The following HERC1 variants were observed in gnomAD, a reference collection of about 807,000 sequenced individuals.
The protein encoded by HERC1 is HECT and RLD domain containing E3 ubiquitin protein ligase family member 1.
A neutral mutation model predicts 554.3 loss-of-function variants in HERC1; 160 were observed. The observed-to-expected ratio is 0.29, with a 90% CI of 0.25 to 0.33. The LOEUF is 0.33. Ranked by LOEUF, HERC1 falls within the 10% of genes least tolerant of loss-of-function variation. The pLI is 1.00. For missense variants in HERC1, 4,919 were observed against 5,918.5 expected, an observed-to-expected ratio of 0.83 and a Z score of 5.54; for synonymous variants, 2,175 against 2,131.7, an observed-to-expected ratio of 1.02 and a Z score of -0.56.
At chr15:63,669,495 G>C in intron 40 of HERC1, 43 bp downstream of exon 40, 1 of 1,589,620 alleles carries the variant, frequency 6.3e-7, no homozygotes, top group African/African-American at 1.3e-5. Flanking sequence ...CACACATCTG[G>C]AATGCCAACT....
chr15:63,762,915 C>T (rs2075657733), intron 3 of HERC1, among the ~76,000 whole-genome samples: 1 of 152,212 alleles, frequency 6.6e-6, no homozygotes, highest in Non-Finnish European at 1.5e-5. Context: ...TCTAGCTCTC[C>T]TAGGCTCCTA....
At position 63,655,908 on chromosome 15, in the gene HERC1, G is replaced by A. The variant is rs1031063228; in HGVS notation, c.9918C>T (p.Asp3306=). The A allele has an allele frequency of 9.3e-6, 15 of 1,612,908 alleles. No individual in the cohort carries two copies. The African/African-American group carries it at 1.7e-4, about 19-fold the overall frequency. The change falls in exon 50 of 78, where the codon GAC becomes GAT. Residue 3306 remains aspartate, a synonymous_variant. Transcript: ENST00000443617. ...TGGGTAGAAACTTTCGCTGAATTGAGTCATCAACTGTGGTTAGATTTACAC... is the reference window on the plus strand; with the variant it reads ...TGGGTAGAAACTTTCGCTGAATTGAATCATCAACTGTGGTTAGATTTACAC... The part of the protein sequence containing the change: ...ATGVNLTTVD[D]SIQRKFLPSF...
intron 2 of HERC1, among the ~76,000 whole-genome samples, chr15:63,767,808 C>A (rs2075830129): frequency 6.6e-6 from 1 of 152,182 alleles, no homozygotes; most frequent in African/African-American, 2.4e-5. Context: ...ACTTTTTTGT[C>A]ATCTAACAAG....
chr15:63,674,354 T>C lies in HERC1; in HGVS notation c.7834A>G (p.Lys2612Glu). ...TCAGATAACATACCTTGCTTAATTT[T>C]GCCCCCAAACTGGTCTTCCAAAAGC... ...HGLLEDQFGG[K>E]IKQEIDQQAE... The change falls in exon 38 of 78, where the codon AAA (lysine) becomes GAA (glutamate). Residue 2612 changes from lysine (K) to glutamate (E), a missense_variant. Lys to Glu is a moderately conservative substitution (Grantham distance 56, BLOSUM62 1). Transcript: ENST00000443617. 1.3e-6 allele frequency: 2 copies of C among 1,598,192 alleles called. No homozygotes were observed. The highest frequency in any genetic ancestry group is 1.7e-6 in the Non-Finnish European group (2 of 1,172,170).
At chr15:63,736,678 G>A (rs1402017827) in intron 12 of HERC1, among the ~76,000 whole-genome samples, 6 of 151,564 alleles carry the variant, frequency 4.0e-5, no homozygotes, top group African/African-American at 1.2e-4. Flanking sequence ...GCACAATCTC[G>A]GCTCACGGCA....
intron 1 of HERC1, among the ~76,000 whole-genome samples, chr15:63,829,446 G>C (rs1459603734): frequency 7.7e-6 from 1 of 130,446 alleles, no homozygotes; most frequent in Admixed American, 8.0e-5. Flanking sequence ...ACGTCAGTAT[G>C]TGTGTGTGTG....
At chr15:63,663,439 T>C (rs567299107) in intron 43 of HERC1, among the ~76,000 whole-genome samples, 14 of 152,284 alleles carry the variant, frequency 9.2e-5, no homozygotes, top group African/African-American at 1.7e-4. Flanking sequence ...AGAGAATCCA[T>C]GCGATGCTTT....
intron 57 of HERC1, 129 bp from the exon 58 acceptor site, chr15:63,643,679 TAAAGG>T (rs2069179887): frequency 1.7e-6 from 1 of 581,978 alleles, no homozygotes; most frequent in Non-Finnish European, 2.9e-6. Context: ...ATTTCTCTCA[TAAAGG>T]ATAGTAAGCT....
At chr15:63,811,088 T>C (rs1228481744) in intron 1 of HERC1, among the ~76,000 whole-genome samples, 2 of 152,072 alleles carry the variant, frequency 1.3e-5, no homozygotes, top group African/African-American at 2.4e-5. Flanking sequence ...AAGCAATATA[T>C]GAATGTGATT....
intron 1 of HERC1, among the ~76,000 whole-genome samples, chr15:63,802,041 T>C (rs1201012635): frequency 6.6e-6 from 1 of 152,170 alleles, no homozygotes; most frequent in Non-Finnish European, 1.5e-5. Context: ...TAGAGAATCA[T>C]AAGAGAAAGT....
chr15:63,633,728 A>C, intron 67 of HERC1, 120 bp downstream of exon 67: 2 of 1,068,352 alleles, frequency 1.9e-6, no homozygotes, highest in South Asian at 3.6e-5. Flanking sequence ...AGAAGCTTCT[A>C]AACTTCATTA....
chr15:63,812,695 G>A (rs2077368823), intron 1 of HERC1, among the ~76,000 whole-genome samples: 1 of 152,034 alleles, frequency 6.6e-6, no homozygotes, highest in African/African-American at 2.4e-5. Flanking sequence ...ATTAAAAAAG[G>A]TTTTTAAACA....
chr15:63,643,754 T>A (rs1003532170), intron 57 of HERC1, among the ~76,000 whole-genome samples: 1 of 152,220 alleles, frequency 6.6e-6, no homozygotes, highest in African/African-American at 2.4e-5. Flanking sequence ...TCATCTTTTT[T>A]AAAAAATATA....
Position 63,727,901 on chromosome 15 carries a change from C to T in HERC1, c.3155-63G>A. 7.5e-7 allele frequency: 1 copy of T among 1,328,278 alleles called. No individual in the cohort carries two copies. The highest frequency in any genetic ancestry group is 2.3e-5 in the East Asian group (1 of 43,202). 82.3% of individuals were successfully genotyped at this position (1,328,278 alleles called of 1,614,324 possible). ...TCAAATGAACTTTAAAAAAAGGAAC[C>T]TAATAAATATTATTTTAGCTTGGAA... On this transcript the variant is annotated intron_variant, in intron 16 of 77. Coordinates refer to ENST00000443617, the MANE Select transcript of HERC1 (RefSeq NM_003922.4). This position sits in a 1 kb window ranked among gnomAD's most constrained non-coding sequence, Gnocchi z 4.3.
intron 37 of HERC1, among the ~76,000 whole-genome samples, chr15:63,675,512 G>A (rs2071152421): frequency 6.6e-6 from 1 of 152,166 alleles, no homozygotes; most frequent in Non-Finnish European, 1.5e-5. Context: ...GGGTGTGGCT[G>A]TGTACCTTTA....
intron 24 of HERC1, among the ~76,000 whole-genome samples, chr15:63,712,543 T>C (rs1383254303): frequency 6.6e-6 from 1 of 152,176 alleles, no homozygotes; most frequent in Non-Finnish European, 1.5e-5. Context: ...GGAATGTCCA[T>C]CAAAGAGTCA....
chr15:63,786,890 G>A (rs1011449541), intron 1 of HERC1, among the ~76,000 whole-genome samples: 4 of 150,926 alleles, frequency 2.7e-5, no homozygotes, highest in African/African-American at 4.9e-5. Context: ...TTAATTGTAC[G>A]TGATGTGAAC....
intron 1 of HERC1, among the ~76,000 whole-genome samples, chr15:63,823,405 G>A (rs7176963): frequency 0.031 from 4,694 of 152,208 alleles, 231 homozygotes; most frequent in African/African-American, 0.11. Flanking sequence ...GCCCTATGAC[G>A]TAGCAACTAT....
In HERC1 at chr15:63,729,533, C is replaced by A; in HGVS notation, c.2985G>T (p.Gln995His). The change falls in exon 15 of 78, where the codon CAG (glutamine) becomes CAT (histidine). Residue 995 changes from glutamine to histidine, a missense_variant. Gln to His is a conservative substitution (Grantham distance 24, BLOSUM62 0). Coordinates refer to ENST00000443617, the MANE Select transcript of HERC1 (RefSeq NM_003922.4). ...TATTGATATGGCAAAATGCCAGCAG[C>A]TGTTTCTGTAGTGAACATAGCAGTT... ...LHELLCSLQK[Q>H]LLAFCHINNI... The A allele has an allele frequency of 6.2e-7, 1 of 1,613,820 alleles. No homozygotes were observed. Among genetic ancestry groups the A allele is most frequent in the Non-Finnish European group, 8.5e-7 (1 of 1,179,786 alleles).
Sources: gnomAD v4.1 joint callset for allele counts (sites outside exome capture counted in the v4.1 genomes callset) on GRCh38, gnomAD v4.1.1 for gene constraint, Gnocchi (gnomAD v3.1) non-coding constraint, MANE v1.5 for transcripts, NCBI Gene and HGNC (gene_info 2026-07-23, HGNC 2026-07-21) for gene names.